SPATS2: variants seen among roughly 807,000 people sequenced by gnomAD.
SPATS2 encodes the protein spermatogenesis associated serine rich 2, also known as spermatogenesis-associated serine-rich protein 2.
SPATS2 carries 38 observed loss-of-function variants against 63.7 expected under a neutral mutation model. The ratio of observed to expected loss-of-function variants is 0.60; its 90% confidence interval spans 0.46 to 0.78. The LOEUF (loss-of-function observed/expected upper bound fraction) is 0.78. Among genes scored for constraint, SPATS2 ranks in the 30% least tolerant of loss-of-function variants. SPATS2 has a pLI of 0.00. For missense variants in SPATS2, 588 were observed against 666.2 expected, an observed-to-expected ratio of 0.88 and a Z score of 1.29; for synonymous variants, 207 against 232.9, an observed-to-expected ratio of 0.89 and a Z score of 1.01.
Position 49,367,531 on chromosome 12 carries a change from T to C in SPATS2, c.-363T>C, listed in dbSNP as rs2137115071. On this transcript the variant is annotated 5_prime_UTR_variant, in exon 1 of 14. Transcript: ENST00000552918. ...TTTCCTCTTCTCAGACCCGGGAGCG[T>C]CCGGGACGCGGAGCCCGGAGCTGGG... 2 of 397,336 alleles carry C rather than the reference T, an allele frequency of 5.0e-6. No individual in the cohort carries two copies. Among genetic ancestry groups the C allele is most frequent in the Non-Finnish European group, 8.9e-6 (2 of 225,924 alleles). The allele number at this position is 397,336 out of a possible 1,614,324, so 24.6% of individuals were successfully genotyped here. A position where few individuals can be genotyped will look rare whatever the true frequency, so the allele number is the denominator to read the frequency against.
chr12:49,453,781 G>T (rs1945667316), intron 2 of SPATS2, among the ~76,000 whole-genome samples: 1 of 151,688 alleles, frequency 6.6e-6, no homozygotes. Flanking sequence ...CCACTCCCTG[G>T]GCAACGGAGG....
chr12:49,497,096 G>A, intron 8 of SPATS2, 87 bp downstream of exon 8: 1 of 1,278,218 alleles, frequency 7.8e-7, no homozygotes, highest in Non-Finnish European at 1.1e-6. Context: ...CCATAAATAA[G>A]GTTTCAGAAG....
chr12:49,514,325 A>G (rs900656957), intron 9 of SPATS2: 42 of 475,910 alleles, frequency 8.8e-5, no homozygotes, highest in African/African-American at 5.8e-4. Context: ...CAATGTACCA[A>G]TATTGCAATA....
intron 9 of SPATS2, among the ~76,000 whole-genome samples, chr12:49,503,665 AAAG>A (rs1385329214): frequency 6.6e-6 from 1 of 152,058 alleles, no homozygotes; most frequent in Non-Finnish European, 1.5e-5. Flanking sequence ...AAAAAAGAAA[AAAG>A]AAAGAGCTAA....
intron 2 of SPATS2, chr12:49,389,771 A>C: frequency 1.6e-6 from 2 of 1,277,286 alleles, no homozygotes; most frequent in Non-Finnish European, 2.3e-6. Flanking sequence ...AAAGAAAAGA[A>C]TTGCGTACAT....
chr12:49,401,131 C>G (rs1410902045), intron 2 of SPATS2, among the ~76,000 whole-genome samples: 5 of 152,166 alleles, frequency 3.3e-5, no homozygotes, highest in Non-Finnish European at 7.3e-5. Context: ...CTGTCTCACC[C>G]TCCCAAGTAG....
chr12:49,502,936 A>G (rs1454198412), intron 9 of SPATS2, among the ~76,000 whole-genome samples: 1 of 152,202 alleles, frequency 6.6e-6, no homozygotes, highest in African/African-American at 2.4e-5. Context: ...TCCTTAAATT[A>G]AGGTCTAACT....
rs372667497 is a variant in SPATS2, at chr12:49,493,420, G to A, written c.265-1321G>A. 2.2e-3 allele frequency among the ~76,000 whole-genome samples: 288 copies of A among 133,044 alleles called. 1 individual carries two copies. The highest frequency in any genetic ancestry group is 7.7e-3 in the African/African-American group (273 of 35,682). 87.3% of individuals were successfully genotyped at this position (133,044 alleles called of 152,430 possible). A position where few individuals can be genotyped will look rare whatever the true frequency, so the allele number is the denominator to read the frequency against. ...ATCTTTTTTTTTTTTTTTTTAATTT[G>A]AGATGGAGTGTCACTCTGTTGCCCA... On this transcript the variant is annotated intron_variant, in intron 6 of 13. Transcript: ENST00000552918.
chr12:49,411,644 A>G (rs906054619), intron 2 of SPATS2, among the ~76,000 whole-genome samples: 1 of 152,170 alleles, frequency 6.6e-6, no homozygotes, highest in African/African-American at 2.4e-5. Context: ...TCCTCTTGGT[A>G]CTTGCTTAAA....
At chr12:49,388,539 A>C (rs1046069512) in intron 2 of SPATS2, among the ~76,000 whole-genome samples, 1 of 151,432 alleles carries the variant, frequency 6.6e-6, no homozygotes, top group African/African-American at 2.4e-5. Context: ...ATGCTGGACT[A>C]ATTTTTTTTA....
At chr12:49,414,659 C>A (rs184474861) in intron 2 of SPATS2, among the ~76,000 whole-genome samples, 1 of 151,982 alleles carries the variant, frequency 6.6e-6, no homozygotes, top group African/African-American at 2.4e-5. Context: ...GGCTGGAGTG[C>A]GGTGGTGTGA....
At chr12:49,456,193 G>T (rs1021330912) in intron 2 of SPATS2, among the ~76,000 whole-genome samples, 1 of 152,222 alleles carries the variant, frequency 6.6e-6, no homozygotes, top group African/African-American at 2.4e-5. Context: ...TTGGGGGTAT[G>T]TGATGGGAGC....
At chr12:49,461,690 GT>G (rs1414014721) in intron 3 of SPATS2, among the ~76,000 whole-genome samples, 1 of 152,152 alleles carries the variant, frequency 6.6e-6, no homozygotes, top group Non-Finnish European at 1.5e-5. Context: ...CCAGTTCAAA[GT>G]TAATGTTCTT....
intron 2 of SPATS2, among the ~76,000 whole-genome samples, chr12:49,422,159 C>G (rs1033307729): frequency 6.6e-6 from 1 of 152,070 alleles, no homozygotes; most frequent in Non-Finnish European, 1.5e-5. Flanking sequence ...CTAGCACATT[C>G]CTGATGTTGA....
intron 3 of SPATS2, 57 bp downstream of exon 3, chr12:49,461,094 A>ATAGC: frequency 6.4e-7 from 1 of 1,563,042 alleles, no homozygotes; most frequent in Admixed American, 1.7e-5. Flanking sequence ...ATCCCCATTT[A>ATAGC]TAGCTGTATA....
chr12:49,489,130 T>C (rs533793034), intron 4 of SPATS2, among the ~76,000 whole-genome samples: 1 of 152,330 alleles, frequency 6.6e-6, no homozygotes, highest in South Asian at 2.1e-4. Flanking sequence ...TTTCCACCTT[T>C]CTTTACAGTA....
At chr12:49,487,175 A>G (rs1161665583) in intron 4 of SPATS2, among the ~76,000 whole-genome samples, 2 of 152,168 alleles carry the variant, frequency 1.3e-5, no homozygotes, top group Non-Finnish European at 2.9e-5. Flanking sequence ...AAACCCACAC[A>G]GTAAGAATAT....
At position 49,484,683 on chromosome 12, in the gene SPATS2, C is replaced by G; in HGVS notation, c.105+14C>G. On this transcript the variant is annotated intron_variant, in intron 4 of 13. Coordinates refer to ENST00000552918, the MANE Select transcript of SPATS2 (RefSeq NM_023071.4). ...ATGAAAGAGAAGGTAAGACTAGTCA[C>G]TATGGATAGTAAACTTAAATGTCAT... The G allele has an allele frequency of 6.2e-7, 1 of 1,611,976 alleles. No homozygotes were observed. The highest frequency in any genetic ancestry group is 8.5e-7 in the Non-Finnish European group (1 of 1,178,246).
intron 2 of SPATS2, among the ~76,000 whole-genome samples, chr12:49,407,441 C>G (rs1245355860): frequency 6.6e-6 from 1 of 152,204 alleles, no homozygotes; most frequent in Admixed American, 6.5e-5. Context: ...GGCCTGATTT[C>G]CTATGACTCT....
Sources: gnomAD v4.1 joint callset for allele counts (sites outside exome capture counted in the v4.1 genomes callset) on GRCh38, gnomAD v4.1.1 for gene constraint, MANE v1.5 for transcripts, NCBI Gene and HGNC (gene_info 2026-07-23, HGNC 2026-07-21) for gene names.